The following CENPP variants were observed in gnomAD, a reference collection of about 807,000 sequenced individuals.
CENPP encodes centromere protein P.
Under a neutral mutation model 35.6 loss-of-function variants are expected in CENPP, and 24 were observed. That is an observed-to-expected ratio of 0.67 (90% CI 0.49 to 0.95). The LOEUF (loss-of-function observed/expected upper bound fraction) is 0.95. Ranked by LOEUF, CENPP falls within the 40% of genes least tolerant of loss-of-function variation. The pLI is 0.00. For synonymous variants in CENPP, 120 were observed against 125.5 expected, an observed-to-expected ratio of 0.96 and a Z score of 0.29; for missense variants, 332 against 345.3, an observed-to-expected ratio of 0.96 and a Z score of 0.31.
In CENPP at chr9:92,616,333, C is replaced by T. The variant is rs771216425; in HGVS notation, c.*3184C>T. On this transcript the variant is annotated 3_prime_UTR_variant, in exon 8 of 8. Transcript: ENST00000375587. ...CGTGCAAAGCTTCCTCAGGCCAGTG[C>T]ACCCCACCATACCAGGCGAGAGAGG... 7 of 385,974 alleles carry T rather than the reference C, an allele frequency of 1.8e-5. No individual in the cohort carries two copies. Among genetic ancestry groups the T allele is most frequent in the Non-Finnish European group, 2.9e-5 (6 of 209,608 alleles). The allele number at this position is 385,974 out of a possible 1,614,324, so 23.9% of individuals were successfully genotyped here.
chr9:92,564,501 G>T (rs1390888686), intron 5 of CENPP, among the ~76,000 whole-genome samples: 1 of 152,194 alleles, frequency 6.6e-6, no homozygotes, highest in Non-Finnish European at 1.5e-5. Flanking sequence ...CAGGACTTAA[G>T]ATTTAGTTGG....
intron 5 of CENPP, chr9:92,536,211 G>C (rs1849154910): frequency 2.9e-6 from 1 of 346,490 alleles, no homozygotes; most frequent in African/African-American, 2.3e-5. Context: ...AACAGCAGTG[G>C]GTGTGGGGGA....
At chr9:92,401,986 T>A (rs1843134558) in intron 5 of CENPP, among the ~76,000 whole-genome samples, 1 of 152,186 alleles carries the variant, frequency 6.6e-6, no homozygotes, top group Admixed American at 6.5e-5. Flanking sequence ...CTACTCTGTG[T>A]TTGCACATCA....
chr9:92,548,749 A>G (rs2131322560), intron 5 of CENPP, among the ~76,000 whole-genome samples: 1 of 152,330 alleles, frequency 6.6e-6, no homozygotes, highest in Admixed American at 6.5e-5. Flanking sequence ...GGGTATTGGG[A>G]GATACCATAC....
chr9:92,490,037 C>A (rs1183781302), intron 5 of CENPP, among the ~76,000 whole-genome samples: 2 of 152,218 alleles, frequency 1.3e-5, no homozygotes, highest in African/African-American at 4.8e-5. Flanking sequence ...GGCCTGGAAG[C>A]CTTGAGCGAG....
chr9:92,594,336 G>A (rs1052029025), intron 5 of CENPP, among the ~76,000 whole-genome samples: 1 of 152,138 alleles, frequency 6.6e-6, no homozygotes. Context: ...CCTTGAGTAG[G>A]TGGCCCCGTG....
chr9:92,453,066 A>AT, intron 5 of CENPP, among the ~76,000 whole-genome samples: 1 of 152,108 alleles, frequency 6.6e-6, no homozygotes, highest in Non-Finnish European at 1.5e-5. Flanking sequence ...GGATTCATTA[A>AT]TTTTTTGAAG....
At chr9:92,531,677 G>A (rs1055262103) in intron 5 of CENPP, among the ~76,000 whole-genome samples, 3 of 151,606 alleles carry the variant, frequency 2.0e-5, no homozygotes, top group African/African-American at 4.9e-5. Context: ...AATGTAACCC[G>A]CCCCTCAATT....
Position 92,618,864 on chromosome 9 carries a change from T to G in CENPP, c.*5715T>G. 1 of 344,642 alleles carries G rather than the reference T, an allele frequency of 2.9e-6. No individual in the cohort carries two copies. Among genetic ancestry groups the G allele is most frequent in the South Asian group, 2.3e-5 (1 of 43,772 alleles). The allele number at this position is 344,642 out of a possible 1,614,324, so 21.3% of individuals were successfully genotyped here. A position where few individuals can be genotyped will look rare whatever the true frequency, so the allele number is the denominator to read the frequency against. On this transcript the variant is annotated 3_prime_UTR_variant, in exon 8 of 8. Transcript: ENST00000375587. ...CACATGTTAGAAGAATGTGGAACAT[T>G]CCGCAAATACTGGGTGCAGGGTTTA...
chr9:92,535,976 T>G, intron 5 of CENPP: 1 of 512,088 alleles, frequency 2.0e-6, no homozygotes, highest in Non-Finnish European at 3.9e-6. Flanking sequence ...GTCATTTAAG[T>G]CTCCAGCTGA....
chr9:92,337,552 G>C lies in CENPP; in HGVS notation c.301G>C (p.Val101Leu). Reference protein sequence around the residue: ...TEMTEKSIRKVLQRHRLSGNC... With the variant: ...TEMTEKSIRKLLQRHRLSGNC... Reference sequence around the variant, plus strand: ...TTTCTGCTTTACAGGTATTAGAAAAGTTCTACAGAGACACAGATTATCAGG... The same window carrying C: ...TTTCTGCTTTACAGGTATTAGAAAACTTCTACAGAGACACAGATTATCAGG... The change falls in exon 3 of 8, where the codon GTT becomes CTT. Residue 101 changes from valine (V) to leucine (L), a missense_variant. Physicochemically the swap from Val to Leu is conservative, Grantham distance 32 (BLOSUM62 1). Transcript: ENST00000375587. The C allele has an allele frequency of 1.3e-6, 2 of 1,596,928 alleles. No homozygotes were observed. The highest frequency in any genetic ancestry group is 1.7e-6 in the Non-Finnish European group (2 of 1,164,638).
intron 5 of CENPP, among the ~76,000 whole-genome samples, chr9:92,459,216 C>A (rs1845001260): frequency 6.6e-6 from 1 of 152,236 alleles, no homozygotes. Flanking sequence ...TAGCACCACA[C>A]TGAAAGCGAA....
intron 5 of CENPP, among the ~76,000 whole-genome samples, chr9:92,601,494 G>C (rs753162822): frequency 4.7e-4 from 71 of 152,184 alleles, no homozygotes; most frequent in Non-Finnish European, 7.8e-4. Context: ...TTCCATGTTA[G>C]AGCTCTTGAG....
intron 2 of CENPP, among the ~76,000 whole-genome samples, chr9:92,332,858 G>A (rs1840798659): frequency 6.7e-6 from 1 of 149,826 alleles, no homozygotes; most frequent in South Asian, 2.1e-4. Context: ...AACAGACACA[G>A]TTTCTTTTCT....
At chr9:92,421,921 C>G (rs536268306) in intron 5 of CENPP, among the ~76,000 whole-genome samples, 1 of 152,078 alleles carries the variant, frequency 6.6e-6, no homozygotes, top group Non-Finnish European at 1.5e-5. Flanking sequence ...CTTTTGTAGA[C>G]ATCATTTGAC....
At chr9:92,351,032 T>C (rs937038288) in intron 4 of CENPP, among the ~76,000 whole-genome samples, 1 of 152,218 alleles carries the variant, frequency 6.6e-6, no homozygotes, top group African/African-American at 2.4e-5. Context: ...TCTTGCCTTC[T>C]TTTAGATTAT....
chr9:92,334,310 G>T (rs567274699), intron 2 of CENPP, among the ~76,000 whole-genome samples: 41 of 152,108 alleles, frequency 2.7e-4, no homozygotes, highest in African/African-American at 8.7e-4. Context: ...TAGTAGTGAC[G>T]GGGTTTCCCT....
At chr9:92,558,489 A>G (rs1256838770) in intron 5 of CENPP, among the ~76,000 whole-genome samples, 1 of 152,110 alleles carries the variant, frequency 6.6e-6, no homozygotes. Flanking sequence ...TTGTGATGTG[A>G]ACCATCTATG....
chr9:92,413,289 A>G (rs1236935486), intron 5 of CENPP, among the ~76,000 whole-genome samples: 1 of 152,072 alleles, frequency 6.6e-6, no homozygotes, highest in Non-Finnish European at 1.5e-5. Flanking sequence ...GCCCGACTAT[A>G]TGTAACTAAC....
Sources: allele counts gnomAD v4.1 joint callset (sites outside exome capture counted in the v4.1 genomes callset), GRCh38; gene constraint gnomAD v4.1.1; transcripts MANE v1.5; gene names NCBI Gene and HGNC (gene_info 2026-07-23, HGNC 2026-07-21).